Variants in SKOR2 observed in about 807,000 individuals in gnomAD.
SKOR2 encodes LBX1 corepressor 1-like protein.
SKOR2 carries 47 observed loss-of-function variants against 69.1 expected under a neutral mutation model. The observed-to-expected ratio is 0.68, with a 90% CI of 0.54 to 0.87. The LOEUF is 0.87. Ranked by LOEUF, SKOR2 falls within the 40% of genes least tolerant of loss-of-function variation. The pLI is 0.00. For missense variants in SKOR2, 1,404 were observed against 1,472.2 expected (o/e 0.95, Z 0.76); for synonymous variants, 717 against 672.6 (o/e 1.07, Z -1.02).
intron 4 of SKOR2, among the ~76,000 whole-genome samples, chr18:47,235,541 C>A (rs1266952690): frequency 6.6e-6 from 1 of 152,116 alleles, no homozygotes; most frequent in East Asian, 1.9e-4. Context: ...CTGAGTGCAA[C>A]TGGAGACCAG....
intron 6 of SKOR2, among the ~76,000 whole-genome samples, chr18:47,227,685 G>T (rs553067694): frequency 7.9e-4 from 120 of 152,300 alleles, no homozygotes; most frequent in African/African-American, 2.8e-3. Flanking sequence ...GCTCAGTGCT[G>T]TTCCTCTCCT....
chr18:47,223,874 A>G (rs771894869), intron 6 of SKOR2, among the ~76,000 whole-genome samples: 1 of 150,558 alleles, frequency 6.6e-6, no homozygotes, highest in Non-Finnish European at 1.5e-5. Flanking sequence ...ATTGGCAAAC[A>G]TACAAAAATC....
At chr18:47,237,704 T>C (rs184549455) in intron 4 of SKOR2, among the ~76,000 whole-genome samples, 1,840 of 151,170 alleles carry the variant, frequency 0.012, 24 homozygotes, top group Non-Finnish European at 0.019. Context: ...TTTTTCTTTT[T>C]TTTTTTTTTT....
chr18:47,233,653 T>C (rs1337894311), intron 4 of SKOR2, among the ~76,000 whole-genome samples: 1 of 152,270 alleles, frequency 6.6e-6, no homozygotes, highest in East Asian at 1.9e-4. Flanking sequence ...GAGATCTTTA[T>C]TCCTGAATAG....
chr18:47,215,579 A>G (rs1158957244), intron 7 of SKOR2, among the ~76,000 whole-genome samples: 1 of 152,194 alleles, frequency 6.6e-6, no homozygotes, highest in Non-Finnish European at 1.5e-5. Flanking sequence ...TCCCATCATC[A>G]GGAAGTTGTA....
intron 4 of SKOR2, among the ~76,000 whole-genome samples, chr18:47,233,525 C>A (rs1454996049): frequency 6.6e-6 from 1 of 152,174 alleles, no homozygotes; most frequent in African/African-American, 2.4e-5. Flanking sequence ...TACTGGCATA[C>A]AATATTGAAT....
Position 47,249,204 on chromosome 18 carries a change from C to G in SKOR2, c.-21G>C. 28 of 1,529,186 alleles carry G rather than the reference C, an allele frequency of 1.8e-5. No individual in the cohort carries two copies. The highest frequency in any genetic ancestry group is 2.4e-5 in the Non-Finnish European group (27 of 1,143,404). The allele number at this position is 1,529,186 out of a possible 1,614,324, so 94.7% of individuals were successfully genotyped here. A position where few individuals can be genotyped will look rare whatever the true frequency, so the allele number is the denominator to read the frequency against. On this transcript the variant is annotated 5_prime_UTR_variant, in exon 2 of 9. Transcript: ENST00000425639. The stretch of plus-strand genomic sequence containing the variant: ...GCCATCTCCGCCGCAGAACCCCGGG[C>G]CGAGCCCTACAGGTCTGCCTTGGAC...
At chr18:47,231,185 G>A (rs924337403) in intron 4 of SKOR2, 185 bp from the exon 5 acceptor site, 29 of 1,535,786 alleles carry the variant, frequency 1.9e-5, no homozygotes, top group Non-Finnish European at 2.1e-5. Context: ...GAGGGGAGGT[G>A]CAGAAAAGGA....
chr18:47,245,786 T>C (rs973956818), intron 2 of SKOR2, among the ~76,000 whole-genome samples: 8 of 152,154 alleles, frequency 5.3e-5, no homozygotes, highest in African/African-American at 1.9e-4. Context: ...TAATCAGATA[T>C]ATGCTATGTT....
intron 6 of SKOR2, among the ~76,000 whole-genome samples, chr18:47,221,490 C>G (rs1316777686): frequency 6.6e-6 from 1 of 152,194 alleles, no homozygotes; most frequent in Non-Finnish European, 1.5e-5. Flanking sequence ...TGCACCACAC[C>G]AGCCACCAAA....
intron 3 of SKOR2, 130 bp downstream of exon 3, chr18:47,245,368 A>G (rs1269783526): frequency 1.2e-6 from 1 of 825,596 alleles, no homozygotes; most frequent in African/African-American, 1.8e-5. Flanking sequence ...AAACCAAAAA[A>G]GAGCCCACAA....
chr18:47,214,715 T>C (rs1233760462), intron 7 of SKOR2, among the ~76,000 whole-genome samples: 1 of 152,184 alleles, frequency 6.6e-6, no homozygotes, highest in Non-Finnish European at 1.5e-5. Flanking sequence ...TAGTGGTGCC[T>C]CTTACAATTG....
Position 47,248,174 on chromosome 18 carries a change from G to C in SKOR2, c.1010C>G (p.Ser337Cys). Residue 337 changes from serine (S) to cysteine (C), a missense_variant, in exon 2 of 9, where the codon TCT becomes TGT. Ser to Cys is a moderately radical substitution (Grantham distance 112, BLOSUM62 -1). Coordinates refer to ENST00000425639, the MANE Select transcript of SKOR2 (RefSeq NM_001278063.4). The surrounding 1 kb of genome is among the most constrained non-coding windows in gnomAD (Gnocchi z 6.4). ...ASLSAAAASL[S>C]VAAASGGAGT... ...CGCGCCGCCCGAAGCAGCAGCCACAGAGAGGCTGGCGGCTGCGGCCGAGAG... is the reference window on the plus strand; with the variant it reads ...CGCGCCGCCCGAAGCAGCAGCCACACAGAGGCTGGCGGCTGCGGCCGAGAG... 1.6e-6 allele frequency: 2 copies of C among 1,239,636 alleles called. No individual in the cohort carries two copies. Among genetic ancestry groups the C allele is most frequent in the African/African-American group, 1.6e-5 (1 of 63,848 alleles). The allele number at this position is 1,239,636 out of a possible 1,614,324, so 76.8% of individuals were successfully genotyped here. A position where few individuals can be genotyped will look rare whatever the true frequency, so the allele number is the denominator to read the frequency against.
At chr18:47,231,950 G>A (rs972046540) in intron 4 of SKOR2, among the ~76,000 whole-genome samples, 1 of 151,974 alleles carries the variant, frequency 6.6e-6, no homozygotes, top group Admixed American at 6.6e-5. Context: ...AGACCAACCT[G>A]GGTAACATGG....
intron 1 of SKOR2, among the ~76,000 whole-genome samples, chr18:47,249,910 T>C (rs2064305383): frequency 6.6e-6 from 1 of 152,232 alleles, no homozygotes; most frequent in South Asian, 2.1e-4. Context: ...AATAGAATGT[T>C]TCAGTTTTTA....
chr18:47,248,369 C>CCGGCCACCGCGGCCGCGG lies in SKOR2; in HGVS notation c.797_814dup (p.Ala266_Ala271dup), dbSNP rs772061489. 5 of 1,288,758 alleles carry CCGGCCACCGCGGCCGCGG rather than the reference C, an allele frequency of 3.9e-6. No individual in the cohort carries two copies. Among genetic ancestry groups the CCGGCCACCGCGGCCGCGG allele is most frequent in the South Asian group, 2.5e-5 (1 of 39,876 alleles). 79.8% of individuals were successfully genotyped at this position (1,288,758 alleles called of 1,614,324 possible). On this transcript the variant is annotated inframe_insertion, in exon 2 of 9. Coordinates refer to ENST00000425639, the MANE Select transcript of SKOR2 (RefSeq NM_001278063.4). The surrounding 1 kb of genome is among the most constrained non-coding windows in gnomAD (Gnocchi z 6.4). ...GTGGGGGCCCAGCAGACCCCCGCCT[C>CCGGCCACCGCGGCCGCGG]CGGCCACCGCGGCCGCGGCGGCCAC...
Position 47,212,110 on chromosome 18 carries a change from G to A in SKOR2, c.3027C>T (p.Gly1009=), listed in dbSNP as rs1483627767. 3.7e-5 allele frequency: 45 copies of A among 1,231,966 alleles called. No homozygotes were observed. Among genetic ancestry groups the A allele is most frequent in the Non-Finnish European group, 4.2e-5 (41 of 987,860 alleles). 76.3% of individuals were successfully genotyped at this position (1,231,966 alleles called of 1,614,324 possible). A position where few individuals can be genotyped will look rare whatever the true frequency, so the allele number is the denominator to read the frequency against. The part of the protein sequence containing the change: ...AASLIRKEKL[G]AHLSKS ...CCTTTTAGCTTTTGCTGAGATGGGCGCCAAGCTTTTCTTTCCTGATCAAAC... is the reference window on the plus strand; with the variant it reads ...CCTTTTAGCTTTTGCTGAGATGGGCACCAAGCTTTTCTTTCCTGATCAAAC... Residue 1009 remains glycine, a synonymous_variant, in exon 8 of 9, where the codon GGC becomes GGT. Coordinates refer to ENST00000425639, the MANE Select transcript of SKOR2 (RefSeq NM_001278063.4).
chr18:47,209,154 A>G (rs1223416349), intron 8 of SKOR2, among the ~76,000 whole-genome samples: 2 of 152,238 alleles, frequency 1.3e-5, no homozygotes, highest in East Asian at 3.9e-4. Flanking sequence ...TGTAGGACAA[A>G]AAAAAAATGT....
At position 47,231,269 on chromosome 18, in the gene SKOR2, C is replaced by T. The variant is rs1192194278; in HGVS notation, c.2753-269G>A. On this transcript the variant is annotated intron_variant, in intron 4 of 8. Coordinates refer to ENST00000425639, the MANE Select transcript of SKOR2 (RefSeq NM_001278063.4). ...TTGAAGTTATTCCCTCTCCAACCCCCTACCGCCATCCATCTTTACAAGGAA... is the reference window on the plus strand; with the variant it reads ...TTGAAGTTATTCCCTCTCCAACCCCTTACCGCCATCCATCTTTACAAGGAA... The T allele has an allele frequency of 5.4e-6, 6 of 1,113,630 alleles. No individual in the cohort carries two copies. In the African/African-American group the frequency reaches 7.9e-5, roughly 15 times the overall value. 69.0% of individuals were successfully genotyped at this position (1,113,630 alleles called of 1,614,324 possible).
Sources: allele counts gnomAD v4.1 joint callset (sites outside exome capture counted in the v4.1 genomes callset), GRCh38; gene constraint gnomAD v4.1.1; non-coding constraint Gnocchi (gnomAD v3.1); transcripts MANE v1.5; gene names NCBI Gene and HGNC (gene_info 2026-07-23, HGNC 2026-07-21).